The following FIG4 variants were observed in gnomAD, a reference collection of about 807,000 sequenced individuals.
The protein encoded by FIG4 is FIG4 phosphoinositide 5-phosphatase, also known as polyphosphoinositide phosphatase.
A neutral mutation model predicts 118.6 loss-of-function variants in FIG4; 112 were observed. The observed-to-expected ratio is 0.94, with a 90% confidence interval of 0.81 to 1.11. FIG4 has a LOEUF of 1.11. Ranked by LOEUF, FIG4 falls within the 50% of genes least tolerant of loss-of-function variation. FIG4 has a pLI of 0.00. For missense variants in FIG4, 969 were observed against 1,111.7 expected (o/e 0.87, Z 1.83); for synonymous variants, 369 against 381.2 (o/e 0.97, Z 0.37).
At chr6:109,776,893 T>C (rs1437818747) in intron 15 of FIG4, 29 bp from the exon 16 acceptor site, 1 of 1,576,246 alleles carries the variant, frequency 6.3e-7, no homozygotes, top group Non-Finnish European at 8.7e-7. Context: ...CAGTAATGGA[T>C]TTTCTGAAAT....
In FIG4 at chr6:109,786,456, T is replaced by G. The variant is rs2128396287; in HGVS notation, c.2096+7T>G. 6.2e-7 allele frequency: 1 copy of G among 1,613,718 alleles called. No homozygotes were observed. Among genetic ancestry groups the G allele is most frequent in the Non-Finnish European group, 8.5e-7 (1 of 1,179,648 alleles). ...CTATGACAAGCTCAGCACGGTATGT[T>G]GTGTGTATTCTGATACCATAAGTAT... On this transcript the variant is annotated splice_region_variant and intron_variant, in intron 18 of 22. Coordinates refer to ENST00000230124, the MANE Select transcript of FIG4 (RefSeq NM_014845.6).
At chr6:109,818,603 G>A (rs1309498984) in intron 22 of FIG4, among the ~76,000 whole-genome samples, 2 of 152,120 alleles carry the variant, frequency 1.3e-5, no homozygotes, top group Non-Finnish European at 2.9e-5. Flanking sequence ...CCATGTCATA[G>A]GTATGTATGT....
intron 1 of FIG4, among the ~76,000 whole-genome samples, chr6:109,713,544 C>G (rs1483510520): frequency 6.6e-6 from 1 of 152,106 alleles, no homozygotes; most frequent in Non-Finnish European, 1.5e-5. Context: ...CTGTGCCCAC[C>G]AAGGCTCCAG....
At chr6:109,763,887 A>G (rs1371443507) in intron 12 of FIG4, 50 bp from the exon 13 acceptor site, 11 of 1,197,964 alleles carry the variant, frequency 9.2e-6, no homozygotes, top group Non-Finnish European at 1.4e-5. Context: ...CTGAAAATAA[A>G]TATGTATTCT....
At chr6:109,817,581 A>G (rs1562700125) in intron 22 of FIG4, among the ~76,000 whole-genome samples, 1 of 152,178 alleles carries the variant, frequency 6.6e-6, no homozygotes, top group African/African-American at 2.4e-5. Context: ...AAAAAAAAAA[A>G]AAGAGTATAA....
At chr6:109,697,077 A>G (rs1019294439) in intron 1 of FIG4, among the ~76,000 whole-genome samples, 5 of 152,096 alleles carry the variant, frequency 3.3e-5, no homozygotes, top group Non-Finnish European at 5.9e-5. Context: ...CCTGGCTAAC[A>G]CAGTGAAACC....
In FIG4 at chr6:109,799,363, GGTGT is replaced by G. The variant is rs148620264; in HGVS notation, c.2546+2522_2546+2525del. On this transcript the variant is annotated intron_variant, in intron 22 of 22. Transcript: ENST00000230124. ...CCAAGAATGTTTTTGGTGTTTTTGG[GGTGT>G]GTGTGTGTGCACGCACGTGTGCACA... Among the ~76,000 whole-genome samples, 12 of 152,052 alleles carry G rather than the reference GGTGT, an allele frequency of 7.9e-5. No individual in the cohort carries two copies. In the South Asian group the frequency reaches 8.3e-4, roughly 11 times the overall value.
At chr6:109,764,797 A>G (rs969091425) in intron 13 of FIG4, among the ~76,000 whole-genome samples, 2 of 152,262 alleles carry the variant, frequency 1.3e-5, no homozygotes, top group South Asian at 2.1e-4. Flanking sequence ...TGTTACAGCA[A>G]TGTATAACCT....
At chr6:109,796,936 T>G (rs1186075134) in intron 22 of FIG4, 85 bp downstream of exon 22, 18 of 840,794 alleles carry the variant, frequency 2.1e-5, no homozygotes, top group Non-Finnish European at 3.5e-5. Flanking sequence ...AAGAAAAAGA[T>G]TCACTCTTGT....
At chr6:109,754,505 A>T (rs892167852) in intron 10 of FIG4, among the ~76,000 whole-genome samples, 1 of 152,224 alleles carries the variant, frequency 6.6e-6, no homozygotes, top group Non-Finnish European at 1.5e-5. Context: ...GAATAGTTTC[A>T]GAAGGAATGG....
intron 16 of FIG4, among the ~76,000 whole-genome samples, chr6:109,779,939 A>T (rs1400042697): frequency 1.3e-5 from 2 of 152,186 alleles, no homozygotes; most frequent in African/African-American, 4.8e-5. Flanking sequence ...CATACCTCAC[A>T]GGGTCATTGA....
chr6:109,778,992 T>A lies in FIG4; in HGVS notation c.1889+1932T>A, dbSNP rs574389324. 7.2e-5 allele frequency among the ~76,000 whole-genome samples: 11 copies of A among 152,334 alleles called. No individual in the cohort carries two copies. In the South Asian group the frequency reaches 2.3e-3, roughly 32 times the overall value. ...TGTATGTTTCTCAAATTTATTCTTATCAATGCATATTATTGGAATAACCAA... is the reference window on the plus strand; with the variant it reads ...TGTATGTTTCTCAAATTTATTCTTAACAATGCATATTATTGGAATAACCAA... On this transcript the variant is annotated intron_variant, in intron 16 of 22. Coordinates refer to ENST00000230124, the MANE Select transcript of FIG4 (RefSeq NM_014845.6).
At chr6:109,763,826 A>G in intron 12 of FIG4, 111 bp from the exon 13 acceptor site, 1 of 767,930 alleles carries the variant, frequency 1.3e-6, no homozygotes, top group Non-Finnish European at 2.3e-6. Flanking sequence ...ATTTTTCAGG[A>G]GCCTTCAGCT....
intron 22 of FIG4, 52 bp downstream of exon 22, chr6:109,796,903 A>G (rs768096159): frequency 3.8e-6 from 4 of 1,042,206 alleles, no homozygotes; most frequent in South Asian, 1.3e-5. Flanking sequence ...TGCCACTCAT[A>G]GGGCTTTCTT....
At chr6:109,824,648 C>A (rs180726002) in intron 22 of FIG4, among the ~76,000 whole-genome samples, 2 of 152,304 alleles carry the variant, frequency 1.3e-5, no homozygotes, top group Non-Finnish European at 2.9e-5. Context: ...CTGTTTACAA[C>A]TATGTGAGGT....
chr6:109,733,640 A>G (rs75377510), intron 5 of FIG4, among the ~76,000 whole-genome samples: 3,989 of 152,168 alleles, frequency 0.026, 169 homozygotes, highest in African/African-American at 0.089. Context: ...TGCAAACCTG[A>G]AGGAAGTTGA....
At chr6:109,781,676 G>C (rs1173874256) in intron 16 of FIG4, among the ~76,000 whole-genome samples, 1 of 150,054 alleles carries the variant, frequency 6.7e-6, no homozygotes, top group African/African-American at 2.4e-5. Context: ...TGCCACATCT[G>C]TACCATTCTT....
rs568842970 is a variant in FIG4 at position 109,722,052 on chromosome 6, C to A, written c.290-5057C>A. Among the ~76,000 whole-genome samples the A allele has an allele frequency of 2.0e-5, 3 of 152,036 alleles. No individual in the cohort carries two copies. The South Asian group carries it at 6.2e-4, about 32-fold the overall frequency. On this transcript the variant is annotated intron_variant, in intron 3 of 22. Coordinates refer to ENST00000230124, the MANE Select transcript of FIG4 (RefSeq NM_014845.6). The stretch of plus-strand genomic sequence containing the variant: ...TTATTATTTAATCCCAATTACATTC[C>A]ATTTTTAAGTTTTTTGGTGTGTGTG...
chr6:109,759,845 A>C lies in FIG4; in HGVS notation c.1138-405A>C, dbSNP rs368071023. On this transcript the variant is annotated intron_variant, in intron 10 of 22. Coordinates refer to ENST00000230124, the MANE Select transcript of FIG4 (RefSeq NM_014845.6). ...TGCTTTCTGCTGTGCTAGTTTGGGA[A>C]TTGTTCATCCAGACTAGTTGATTTC... Among the ~76,000 whole-genome samples the C allele has an allele frequency of 3.0e-4, 45 of 152,324 alleles. 5 individuals are homozygous for C. The highest frequency in any genetic ancestry group is 1.8e-3 in the Admixed American group (28 of 15,308).
Sources: gnomAD v4.1 joint callset for allele counts (sites outside exome capture counted in the v4.1 genomes callset) on GRCh38, gnomAD v4.1.1 for gene constraint, MANE v1.5 for transcripts, NCBI Gene and HGNC (gene_info 2026-07-23, HGNC 2026-07-21) for gene names.